Variants in HDAC4 observed in about 807,000 individuals in gnomAD.
HDAC4 encodes the protein histone deacetylase A.
Under a neutral mutation model 135.1 loss-of-function variants are expected in HDAC4, and 16 were observed. The observed-to-expected ratio is 0.12, with a 90% CI of 0.08 to 0.18. HDAC4 has a LOEUF of 0.18. HDAC4 is among the 10% of genes least tolerant of loss of function. The pLI, the probability that HDAC4 is intolerant of heterozygous loss-of-function variation, is 1.00. For synonymous variants in HDAC4, 685 were observed against 653.4 expected (o/e 1.05, Z -0.74); for missense variants, 1,143 against 1,511.8 (o/e 0.76, Z 4.05).
chr2:239,275,925 C>G (rs1480450766), intron 2 of HDAC4, among the ~76,000 whole-genome samples: 4 of 152,278 alleles, frequency 2.6e-5, no homozygotes, highest in East Asian at 1.9e-4. Flanking sequence ...TTTGGGAAAG[C>G]TTCCCAGAGG....
intron 5 of HDAC4, among the ~76,000 whole-genome samples, chr2:239,168,436 C>T (rs972958107): frequency 2.0e-5 from 3 of 152,022 alleles, no homozygotes; most frequent in African/African-American, 4.8e-5. Flanking sequence ...AAACTGCCAC[C>T]GTTCTGTCAA....
intron 22 of HDAC4, among the ~76,000 whole-genome samples, chr2:239,073,193 G>C (rs2034372305): frequency 6.6e-6 from 1 of 152,188 alleles, no homozygotes; most frequent in South Asian, 2.1e-4. Flanking sequence ...GGAGACCCTG[G>C]GTGGCTTCTG....
intron 1 of HDAC4, among the ~76,000 whole-genome samples, chr2:239,390,520 C>T (rs1163958275): frequency 6.6e-6 from 1 of 152,250 alleles, no homozygotes; most frequent in Non-Finnish European, 1.5e-5. Flanking sequence ...TACCAGTACA[C>T]TCCAGCCTGG....
intron 2 of HDAC4, among the ~76,000 whole-genome samples, chr2:239,258,289 CAGACACAGGAAA>C (rs2049157309): frequency 6.6e-6 from 1 of 151,604 alleles, no homozygotes; most frequent in Non-Finnish European, 1.5e-5. Flanking sequence ...AATGTGCAGG[CAGACACAGGAAA>C]GGAGACACTG....
In HDAC4 at chr2:239,379,846, G is replaced by A. The variant is rs1018210636; in HGVS notation, c.-220+21132C>T. On this transcript the variant is annotated intron_variant, in intron 1 of 26. Transcript: ENST00000543185. The stretch of plus-strand genomic sequence containing the variant: ...CACCACAGGGTCACAGGAAACAAAG[G>A]ACAGAAGAACACCAAGCCAGGCTCA... Among the ~76,000 whole-genome samples the A allele has an allele frequency of 3.9e-5, 6 of 152,340 alleles. No homozygotes were observed. The East Asian group carries it at 1.2e-3, about 29-fold the overall frequency.
At chr2:239,053,667 G>A in intron 25 of HDAC4, 66 bp from the exon 26 acceptor site, 1 of 1,470,794 alleles carries the variant, frequency 6.8e-7, no homozygotes, top group South Asian at 1.1e-5. Context: ...TGAGGCCCGG[G>A]AAGGTCCTGC....
At chr2:239,087,778 G>A (rs972529491) in intron 18 of HDAC4, among the ~76,000 whole-genome samples, 164 bp from the exon 19 acceptor site, 1 of 152,192 alleles carries the variant, frequency 6.6e-6, no homozygotes, top group Non-Finnish European at 1.5e-5. Context: ...AGGGCCAGCT[G>A]GGAGCCTTTC....
chr2:239,177,835 T>C (rs1178135450), intron 4 of HDAC4, among the ~76,000 whole-genome samples: 1 of 152,176 alleles, frequency 6.6e-6, no homozygotes, highest in African/African-American at 2.4e-5. Flanking sequence ...GGATAAATGT[T>C]CAAGCTCACT....
intron 1 of HDAC4, among the ~76,000 whole-genome samples, chr2:239,398,628 G>A (rs1270932738): frequency 6.6e-6 from 1 of 152,226 alleles, no homozygotes; most frequent in East Asian, 1.9e-4. Flanking sequence ...AGGTTGTCCT[G>A]TCCATCTTGC....
chr2:239,145,902 A>G (rs2041725824), intron 7 of HDAC4, among the ~76,000 whole-genome samples: 1 of 152,214 alleles, frequency 6.6e-6, no homozygotes, highest in Non-Finnish European at 1.5e-5. Flanking sequence ...TCCACTTTGG[A>G]AAAGGCTTCG....
chr2:239,114,380 A>G (rs982189284), intron 13 of HDAC4, among the ~76,000 whole-genome samples: 6 of 152,150 alleles, frequency 3.9e-5, no homozygotes, highest in African/African-American at 9.7e-5. Context: ...CTTCCTGCCT[A>G]CAGGGAGGAA....
chr2:239,372,956 G>A (rs924871253), intron 1 of HDAC4, among the ~76,000 whole-genome samples: 41 of 152,110 alleles, frequency 2.7e-4, no homozygotes, highest in African/African-American at 9.2e-4. Context: ...GGGGGAGTCC[G>A]TCACGTGGCT....
intron 2 of HDAC4, among the ~76,000 whole-genome samples, chr2:239,276,673 C>T (rs778795755): frequency 4.6e-5 from 7 of 152,124 alleles, no homozygotes; most frequent in South Asian, 2.1e-4. Context: ...TGCCTGCTGC[C>T]GGAACACTGC....
chr2:239,384,478 G>A (rs531683243), intron 1 of HDAC4, among the ~76,000 whole-genome samples: 2 of 146,854 alleles, frequency 1.4e-5, no homozygotes, highest in East Asian at 4.1e-4. Flanking sequence ...AAAGCCAGAT[G>A]TGGTGGTGCA....
intron 1 of HDAC4, among the ~76,000 whole-genome samples, chr2:239,395,496 A>C (rs1316053557): frequency 6.6e-6 from 1 of 152,240 alleles, no homozygotes; most frequent in Non-Finnish European, 1.5e-5. Flanking sequence ...CAAGGACTTA[A>C]AGAGTACTTT....
chr2:239,048,838 T>G lies in HDAC4; in HGVS notation c.*4259A>C, dbSNP rs1351579463. On this transcript the variant is annotated 3_prime_UTR_variant, in exon 27 of 27. Transcript: ENST00000543185. ...AGTGCTCGCACAGTTCACGACTGCT[T>G]AAAGTGAAATCTTAGCCATACATCA... The G allele has an allele frequency of 6.6e-6, 1 of 152,216 alleles. No individual in the cohort carries two copies. Among genetic ancestry groups the G allele is most frequent in the East Asian group, 1.9e-4 (1 of 5,192 alleles). The allele number at this position is 152,216 out of a possible 1,614,324, so 9.4% of individuals were successfully genotyped here. A position where few individuals can be genotyped will look rare whatever the true frequency, so the allele number is the denominator to read the frequency against.
intron 2 of HDAC4, among the ~76,000 whole-genome samples, chr2:239,255,719 G>T (rs1032028736): frequency 6.6e-5 from 10 of 152,106 alleles, no homozygotes; most frequent in African/African-American, 2.4e-4. Context: ...ACAAAGTTCA[G>T]TACCACTAAA....
chr2:239,070,692 C>T (rs995558249), intron 22 of HDAC4, among the ~76,000 whole-genome samples: 8 of 152,214 alleles, frequency 5.3e-5, no homozygotes, highest in African/African-American at 1.4e-4. Flanking sequence ...CCTGCAATGA[C>T]GGCCCAGGTG....
chr2:239,089,681 G>A (rs2036313366), intron 18 of HDAC4: 1 of 279,224 alleles, frequency 3.6e-6, no homozygotes, highest in Admixed American at 4.9e-5. Flanking sequence ...ATCTCTAATA[G>A]AGTCAATATT....
Sources: gnomAD v4.1 joint callset for allele counts (sites outside exome capture counted in the v4.1 genomes callset) on GRCh38, gnomAD v4.1.1 for gene constraint, MANE v1.5 for transcripts, NCBI Gene and HGNC (gene_info 2026-07-23, HGNC 2026-07-21) for gene names.